Variants in SKAP1 observed in about 807,000 individuals in gnomAD.
SKAP1 encodes the protein src kinase associated phosphoprotein 1.
Under a neutral mutation model 58.5 loss-of-function variants are expected in SKAP1, and 44 were observed. The ratio of observed to expected loss-of-function variants is 0.75; its 90% CI spans 0.59 to 0.97. The LOEUF is 0.97. Among genes scored for constraint, SKAP1 ranks in the 50% least tolerant of loss-of-function variants. The pLI, the probability that SKAP1 is intolerant of heterozygous loss-of-function variation, is 0.00. For synonymous variants in SKAP1, 127 were observed against 149.7 expected (o/e 0.85, Z 1.11); for missense variants, 390 against 435.2 (o/e 0.90, Z 0.92).
chr17:48,330,482 C>G (rs1037887468), intron 4 of SKAP1, among the ~76,000 whole-genome samples: 3 of 152,126 alleles, frequency 2.0e-5, no homozygotes, highest in Non-Finnish European at 1.5e-5. Context: ...AGAGCATAAT[C>G]CAAGTCACAA....
intron 4 of SKAP1, among the ~76,000 whole-genome samples, chr17:48,239,986 T>A (rs2065228159): frequency 6.6e-6 from 1 of 152,142 alleles, no homozygotes; most frequent in African/African-American, 2.4e-5. Flanking sequence ...AGGTAGATGT[T>A]AAAGACCAAA....
At chr17:48,197,294 A>AG (rs2064649220) in intron 4 of SKAP1, among the ~76,000 whole-genome samples, 1 of 150,946 alleles carries the variant, frequency 6.6e-6, no homozygotes. Flanking sequence ...TTGGTCACCA[A>AG]GGTTCGTAAG....
chr17:48,235,814 A>G (rs1466802430), intron 4 of SKAP1, among the ~76,000 whole-genome samples: 1 of 152,216 alleles, frequency 6.6e-6, no homozygotes, highest in Non-Finnish European at 1.5e-5. Context: ...CAGTAATCAT[A>G]GCTCTTTCTC....
At chr17:48,430,031 GGCC>G in intron 1 of SKAP1, 41 bp downstream of exon 1, 5 of 1,257,600 alleles carry the variant, frequency 4.0e-6, no homozygotes, top group Non-Finnish European at 5.0e-6. Context: ...GTCCCCTTTC[GGCC>G]TTCGGCTCAG....
chr17:48,220,448 A>G (rs2064988799), intron 4 of SKAP1, among the ~76,000 whole-genome samples: 1 of 152,208 alleles, frequency 6.6e-6, no homozygotes, highest in South Asian at 2.1e-4. Context: ...CAGACACACA[A>G]AAGTATATAT....
intron 4 of SKAP1, among the ~76,000 whole-genome samples, chr17:48,243,711 A>AAT (rs2065265607): frequency 6.6e-6 from 1 of 152,064 alleles, no homozygotes. Context: ...GAATGCTATT[A>AAT]ATATATATAT....
chr17:48,415,454 T>C (rs566430538), intron 1 of SKAP1, among the ~76,000 whole-genome samples: 16 of 152,200 alleles, frequency 1.1e-4, no homozygotes, highest in Admixed American at 3.3e-4. Flanking sequence ...TTGTTGGTGA[T>C]TTTATTCTCG....
At chr17:48,352,012 T>A (rs1399498967) in intron 3 of SKAP1, among the ~76,000 whole-genome samples, 1 of 149,396 alleles carries the variant, frequency 6.7e-6, no homozygotes, top group Non-Finnish European at 1.5e-5. Flanking sequence ...TTTTGACCAG[T>A]AGGGTGAGCT....
intron 4 of SKAP1, among the ~76,000 whole-genome samples, chr17:48,241,794 T>C (rs1405999784): frequency 6.6e-6 from 1 of 152,238 alleles, no homozygotes; most frequent in Admixed American, 6.5e-5. Flanking sequence ...AAAATATTTC[T>C]GAACCCAGCA....
intron 4 of SKAP1, chr17:48,249,045 A>C (rs1473504069): frequency 6.6e-6 from 1 of 151,780 alleles, no homozygotes; most frequent in Admixed American, 6.6e-5. Flanking sequence ...AACAAAACAA[A>C]AAAACAAAAA....
chr17:48,383,000 C>T, intron 2 of SKAP1, among the ~76,000 whole-genome samples: 1 of 152,178 alleles, frequency 6.6e-6, no homozygotes, highest in Non-Finnish European at 1.5e-5. Context: ...ATGACTCTAG[C>T]CGCTCACTGG....
intron 4 of SKAP1, among the ~76,000 whole-genome samples, chr17:48,325,023 C>T (rs1201909099): frequency 2.6e-5 from 4 of 151,348 alleles, no homozygotes; most frequent in East Asian, 1.9e-4. Context: ...CCGAGGCGGG[C>T]GGATCACGAG....
chr17:48,247,471 C>T (rs981556904), intron 4 of SKAP1, among the ~76,000 whole-genome samples: 4 of 152,128 alleles, frequency 2.6e-5, no homozygotes, highest in Non-Finnish European at 5.9e-5. Flanking sequence ...TCCTTCTATC[C>T]AATACTTCTG....
chr17:48,351,132 T>C (rs1487887166), intron 3 of SKAP1, among the ~76,000 whole-genome samples: 1 of 152,214 alleles, frequency 6.6e-6, no homozygotes, highest in Non-Finnish European at 1.5e-5. Flanking sequence ...ACTAAAGATA[T>C]ATGTTGGGTA....
chr17:48,393,282 A>G (rs1236766016), intron 2 of SKAP1, among the ~76,000 whole-genome samples: 2 of 152,226 alleles, frequency 1.3e-5, no homozygotes, highest in African/African-American at 4.8e-5. Context: ...CATGGAAAAT[A>G]TTAGCCTTCA....
chr17:48,327,326 T>C (rs1381134113), intron 4 of SKAP1, among the ~76,000 whole-genome samples: 5 of 152,236 alleles, frequency 3.3e-5, no homozygotes, highest in African/African-American at 1.2e-4. Flanking sequence ...CACTGAATAT[T>C]AAGCTAATGG....
rs191352587 is a variant in SKAP1 at position 48,227,829 on chromosome 17, G to T, written c.281-38329C>A. Among the ~76,000 whole-genome samples the T allele has an allele frequency of 3.8e-4, 58 of 152,290 alleles. 2 individuals carry two copies. Among genetic ancestry groups the T allele is most frequent in the Admixed American group, 3.4e-3 (52 of 15,294 alleles). On this transcript the variant is annotated intron_variant, in intron 4 of 12. Coordinates refer to ENST00000336915, the MANE Select transcript of SKAP1 (RefSeq NM_003726.4). ...ACCAGCTGTGAGACTTCAGCGAACT[G>T]ATCAATTTCTCTGTGTTTCAGTTTT...
chr17:48,257,811 T>C (rs1423040839), intron 4 of SKAP1, among the ~76,000 whole-genome samples: 1 of 151,916 alleles, frequency 6.6e-6, no homozygotes, highest in African/African-American at 2.4e-5. Context: ...TAAAAATAAC[T>C]GTAGTGTATG....
chr17:48,346,916 T>G (rs2066730720), intron 3 of SKAP1, among the ~76,000 whole-genome samples: 1 of 152,204 alleles, frequency 6.6e-6, no homozygotes, highest in Non-Finnish European at 1.5e-5. Flanking sequence ...CTCTTAGGAA[T>G]TCTAAAAGCC....
Sources: gnomAD v4.1 joint callset for allele counts (sites outside exome capture counted in the v4.1 genomes callset) on GRCh38, gnomAD v4.1.1 for gene constraint, MANE v1.5 for transcripts, NCBI Gene and HGNC (gene_info 2026-07-23, HGNC 2026-07-21) for gene names.